RPIA: variants seen among roughly 807,000 people sequenced by gnomAD.
RPIA encodes ribose-5-phosphate isomerase.
RPIA carries 29 observed loss-of-function variants against 37.8 expected under a neutral mutation model. The ratio of observed to expected loss-of-function variants is 0.77; its 90% confidence interval spans 0.57 to 1.05. The LOEUF (loss-of-function observed/expected upper bound fraction) is 1.05, where lower values mean the gene tolerates loss of function less well. Ranked by LOEUF, RPIA falls within the 50% of genes least tolerant of loss-of-function variation. The pLI is 0.00. For synonymous variants in RPIA, 167 were observed against 157.0 expected (o/e 1.06, Z -0.48); for missense variants, 385 against 413.6 (o/e 0.93, Z 0.60).
chr2:88,747,001 G>A (rs914433953), intron 8 of RPIA, among the ~76,000 whole-genome samples: 4 of 152,104 alleles, frequency 2.6e-5, no homozygotes, highest in African/African-American at 9.7e-5. Flanking sequence ...AATGGGCAGG[G>A]CCATAGAGCT....
At chr2:88,715,562 G>A (rs1673024082) in intron 3 of RPIA, among the ~76,000 whole-genome samples, 2 of 152,194 alleles carry the variant, frequency 1.3e-5, no homozygotes, top group African/African-American at 2.4e-5. Context: ...GTGGGCCAAA[G>A]TGCAGCCTGA....
chr2:88,705,823 A>G (rs1672891225), intron 3 of RPIA, among the ~76,000 whole-genome samples: 1 of 152,220 alleles, frequency 6.6e-6, no homozygotes, highest in Admixed American at 6.5e-5. Flanking sequence ...CAAAGTTCTA[A>G]TATCTAGAAT....
At chr2:88,702,184 A>T (rs1036872876) in intron 3 of RPIA, among the ~76,000 whole-genome samples, 1 of 152,226 alleles carries the variant, frequency 6.6e-6, no homozygotes, top group Non-Finnish European at 1.5e-5. Flanking sequence ...TTATTATCAA[A>T]AGTATTACTT....
chr2:88,750,103 A>C lies in RPIA; in HGVS notation c.*25A>C, dbSNP rs1673485921. ...ACCCTGCAAGGAGCAGAGTGTGTTC[A>C]CCTTGAGTCTCCAGCCCACAGCCAA... On this transcript the variant is annotated 3_prime_UTR_variant, in exon 9 of 9. Transcript: ENST00000283646. 1 of 1,540,610 alleles carries C rather than the reference A, an allele frequency of 6.5e-7. No homozygotes were observed. The highest frequency in any genetic ancestry group is 1.7e-5 in the Admixed American group (1 of 59,624).
intron 5 of RPIA, 38 bp downstream of exon 5, chr2:88,734,654 G>T (rs1172756004): frequency 4.4e-6 from 7 of 1,601,260 alleles, no homozygotes; most frequent in Non-Finnish European, 6.0e-6. Context: ...AAGAGTATCT[G>T]CCAGTTAATC....
chr2:88,725,808 T>G (rs891074943), intron 3 of RPIA, among the ~76,000 whole-genome samples: 5 of 152,138 alleles, frequency 3.3e-5, no homozygotes, highest in Non-Finnish European at 5.9e-5. Context: ...GACTTCTCTG[T>G]AGAGCTGCTG....
intron 7 of RPIA, among the ~76,000 whole-genome samples, chr2:88,737,709 G>A (rs1673331155): frequency 1.3e-5 from 2 of 152,076 alleles, no homozygotes; most frequent in African/African-American, 4.8e-5. Flanking sequence ...CATAGTCATA[G>A]TGGGAGCTCA....
At chr2:88,739,706 C>T (rs1171854844) in intron 8 of RPIA, among the ~76,000 whole-genome samples, 1 of 152,114 alleles carries the variant, frequency 6.6e-6, no homozygotes, top group Non-Finnish European at 1.5e-5. Flanking sequence ...CAGCATTGAC[C>T]TCCTGGGCTT....
At chr2:88,702,809 C>G (rs1672847741) in intron 3 of RPIA, among the ~76,000 whole-genome samples, 1 of 152,238 alleles carries the variant, frequency 6.6e-6, no homozygotes, top group African/African-American at 2.4e-5. Context: ...TCAGCATTAA[C>G]TCAAAAGTCC....
chr2:88,698,915 C>G (rs1422914610), intron 2 of RPIA, among the ~76,000 whole-genome samples: 1 of 152,226 alleles, frequency 6.6e-6, no homozygotes, highest in East Asian at 1.9e-4. Flanking sequence ...TGGGTTTGCC[C>G]TGTCCATGAC....
At chr2:88,716,504 T>C (rs773287205) in intron 3 of RPIA, among the ~76,000 whole-genome samples, 8 of 152,142 alleles carry the variant, frequency 5.3e-5, no homozygotes, top group Non-Finnish European at 7.4e-5. Flanking sequence ...ACTGCCATCT[T>C]TACCTGGAAG....
At chr2:88,696,611 G>A (rs1402791947) in intron 1 of RPIA, among the ~76,000 whole-genome samples, 1 of 152,124 alleles carries the variant, frequency 6.6e-6, no homozygotes, top group South Asian at 2.1e-4. Context: ...ACAAATATAT[G>A]TCAAAGATTT....
At chr2:88,696,404 G>A (rs913712060) in intron 1 of RPIA, among the ~76,000 whole-genome samples, 1 of 152,086 alleles carries the variant, frequency 6.6e-6, no homozygotes, top group South Asian at 2.1e-4. Context: ...AATTAGCTGG[G>A]CATGGTGGCA....
At chr2:88,707,576 TC>T (rs1342978635) in intron 3 of RPIA, among the ~76,000 whole-genome samples, 1 of 152,186 alleles carries the variant, frequency 6.6e-6, no homozygotes, top group Non-Finnish European at 1.5e-5. Flanking sequence ...TCTCACATTC[TC>T]CCTGGTAACA....
intron 6 of RPIA, among the ~76,000 whole-genome samples, chr2:88,736,125 C>T (rs72846149): frequency 0.029 from 4,489 of 152,258 alleles, 95 homozygotes; most frequent in Non-Finnish European, 0.044. Flanking sequence ...TGCTTCTTCT[C>T]GGGTCAGGGT....
intron 3 of RPIA, among the ~76,000 whole-genome samples, chr2:88,708,100 T>C (rs1359807089): frequency 2.0e-5 from 3 of 152,260 alleles, no homozygotes; most frequent in African/African-American, 7.2e-5. Flanking sequence ...TCAGTCATCA[T>C]GCAGGAAAAT....
At chr2:88,697,571 T>C (rs1413461895) in intron 1 of RPIA, among the ~76,000 whole-genome samples, 3 of 152,186 alleles carry the variant, frequency 2.0e-5, no homozygotes, top group Non-Finnish European at 4.4e-5. Context: ...CTTCTTTGTT[T>C]CTTCTTGTTT....
chr2:88,735,928 A>T (rs1333985097), intron 6 of RPIA, among the ~76,000 whole-genome samples, 191 bp downstream of exon 6: 1 of 152,192 alleles, frequency 6.6e-6, no homozygotes, highest in South Asian at 2.1e-4. Flanking sequence ...GATGTTGCTA[A>T]TCACAGCACT....
At chr2:88,723,017 C>T (rs1368996775) in intron 3 of RPIA, among the ~76,000 whole-genome samples, 1 of 151,910 alleles carries the variant, frequency 6.6e-6, no homozygotes, top group Non-Finnish European at 1.5e-5. Flanking sequence ...TTTATTTTTC[C>T]CTCTTTTGCA....
Sources: allele counts gnomAD v4.1 joint callset (sites outside exome capture counted in the v4.1 genomes callset), GRCh38; gene constraint gnomAD v4.1.1; transcripts MANE v1.5; gene names NCBI Gene and HGNC (gene_info 2026-07-23, HGNC 2026-07-21).